RABGAP1L: variants seen among roughly 807,000 people sequenced by gnomAD.
RABGAP1L encodes the protein RAB GTPase activating protein 1 like, also known as rab GTPase-activating protein 1-like.
RABGAP1L carries 63 observed loss-of-function variants against 137.7 expected under a neutral mutation model. That is an observed-to-expected ratio of 0.46 (90% CI 0.37 to 0.56). The LOEUF is 0.56. RABGAP1L is among the 20% of genes least tolerant of loss of function. The pLI is 0.00. For synonymous variants in RABGAP1L, 431 were observed against 433.7 expected (o/e 0.99, Z 0.08); for missense variants, 1,095 against 1,244.0 (o/e 0.88, Z 1.80).
At chr1:174,217,041 G>T (rs183152920) in intron 1 of RABGAP1L, among the ~76,000 whole-genome samples, 1 of 152,122 alleles carries the variant, frequency 6.6e-6, no homozygotes, top group Non-Finnish European at 1.5e-5. Flanking sequence ...AGTGGTAGTA[G>T]TAGTAGACAG....
At chr1:174,755,795 C>T (rs1193514886) in intron 18 of RABGAP1L, among the ~76,000 whole-genome samples, 1 of 152,136 alleles carries the variant, frequency 6.6e-6, no homozygotes, top group Non-Finnish European at 1.5e-5. Context: ...AAAGGATGCA[C>T]ATAAATTTAT....
At chr1:174,434,108 T>TAC (rs35509787) in intron 13 of RABGAP1L, among the ~76,000 whole-genome samples, 12,519 of 134,010 alleles carry the variant, frequency 0.093, 618 homozygotes, top group Admixed American at 0.2. Context: ...CGTGTACACA[T>TAC]ACACACACAC....
intron 19 of RABGAP1L, among the ~76,000 whole-genome samples, chr1:174,905,973 A>G (rs1252061222): frequency 3.9e-5 from 6 of 152,202 alleles, no homozygotes; most frequent in Non-Finnish European, 5.9e-5. Flanking sequence ...TCTTAGAATT[A>G]CTGGTGTTCA....
intron 19 of RABGAP1L, among the ~76,000 whole-genome samples, chr1:174,838,940 A>T (rs1034419071): frequency 6.2e-5 from 9 of 144,720 alleles, no homozygotes; most frequent in South Asian, 2.2e-4. Context: ...AAAAAAAAAA[A>T]AAAAAAAAAA....
intron 13 of RABGAP1L, among the ~76,000 whole-genome samples, chr1:174,610,760 G>C (rs1671165476): frequency 6.6e-6 from 1 of 152,246 alleles, no homozygotes. Flanking sequence ...ACTGGTGTGA[G>C]ATAGTATCTC....
intron 18 of RABGAP1L, among the ~76,000 whole-genome samples, chr1:174,775,055 T>C (rs1215411461): frequency 6.6e-6 from 1 of 152,196 alleles, no homozygotes; most frequent in Non-Finnish European, 1.5e-5. Flanking sequence ...CTTAGGATGT[T>C]GTCCTCATGT....
chr1:174,783,049 G>A (rs904662598), intron 18 of RABGAP1L, among the ~76,000 whole-genome samples: 2 of 152,102 alleles, frequency 1.3e-5, no homozygotes, highest in African/African-American at 2.4e-5. Context: ...TGTTCTGGCT[G>A]GAGCTGAGCT....
intron 19 of RABGAP1L, among the ~76,000 whole-genome samples, chr1:174,889,534 C>G (rs965182821): frequency 1.3e-5 from 2 of 152,182 alleles, no homozygotes; most frequent in African/African-American, 4.8e-5. Context: ...GATCCTCCTG[C>G]TTCAACCTCT....
chr1:174,702,090 A>G, intron 16 of RABGAP1L, 23 bp from the exon 17 acceptor site: 10 of 1,601,130 alleles, frequency 6.2e-6, no homozygotes, highest in Non-Finnish European at 8.5e-6. Flanking sequence ...CATTGCTCCT[A>G]AATTTTCCAC....
At chr1:174,909,531 A>C (rs1659712618) in intron 19 of RABGAP1L, among the ~76,000 whole-genome samples, 1 of 152,214 alleles carries the variant, frequency 6.6e-6, no homozygotes, top group African/African-American at 2.4e-5. Flanking sequence ...CCATCCTAAA[A>C]ATTTTTTGAA....
At position 174,315,137 on chromosome 1, in the gene RABGAP1L, T is replaced by C. The variant is rs536675008; in HGVS notation, c.1465+10010T>C. On this transcript the variant is annotated intron_variant, in intron 11 of 25. Transcript: ENST00000681986. Reference sequence around the variant, plus strand: ...GGTTTATCTTTCTCTTTAGCTCTAATAATATTTGCTTTGTATATCTTGATG... The same window carrying C: ...GGTTTATCTTTCTCTTTAGCTCTAACAATATTTGCTTTGTATATCTTGATG... 5.9e-5 allele frequency among the ~76,000 whole-genome samples: 9 copies of C among 152,282 alleles called. No homozygotes were observed. In the East Asian group the frequency reaches 1.5e-3, roughly 26 times the overall value.
At chr1:174,718,514 A>G (rs897397754) in intron 17 of RABGAP1L, among the ~76,000 whole-genome samples, 5 of 152,338 alleles carry the variant, frequency 3.3e-5, no homozygotes, top group Admixed American at 3.3e-4. Context: ...TAGAGGAAGA[A>G]AAATCCTGTC....
intron 19 of RABGAP1L, among the ~76,000 whole-genome samples, chr1:174,866,247 C>T (rs1651227014): frequency 6.9e-6 from 1 of 144,966 alleles, no homozygotes; most frequent in South Asian, 2.2e-4. Context: ...CCCTCTATAT[C>T]TATCTATAGA....
chr1:174,819,583 C>T (rs962761922), intron 19 of RABGAP1L, among the ~76,000 whole-genome samples: 2 of 152,140 alleles, frequency 1.3e-5, no homozygotes, highest in Non-Finnish European at 2.9e-5. Flanking sequence ...GACCTTGACT[C>T]AATGATCTAG....
intron 4 of RABGAP1L, among the ~76,000 whole-genome samples, chr1:174,240,624 C>G (rs1241147059): frequency 6.6e-6 from 1 of 152,120 alleles, no homozygotes; most frequent in African/African-American, 2.4e-5. Flanking sequence ...CTTTTGTATT[C>G]CGTTGTTGAA....
intron 15 of RABGAP1L, among the ~76,000 whole-genome samples, chr1:174,694,514 AC>A (rs1182611421): frequency 6.6e-6 from 1 of 151,628 alleles, no homozygotes; most frequent in African/African-American, 2.4e-5. Flanking sequence ...CCATGTCCCT[AC>A]AAAGGACATG....
At chr1:174,562,792 G>T (rs571900426) in intron 13 of RABGAP1L, among the ~76,000 whole-genome samples, 1 of 152,114 alleles carries the variant, frequency 6.6e-6, no homozygotes, top group Admixed American at 6.5e-5. Flanking sequence ...CTCGTAAGTG[G>T]GAGTTGAACA....
At chr1:174,931,276 C>T (rs1378354466) in intron 19 of RABGAP1L, among the ~76,000 whole-genome samples, 1 of 152,132 alleles carries the variant, frequency 6.6e-6, no homozygotes, top group Non-Finnish European at 1.5e-5. Flanking sequence ...AAATAAAAAT[C>T]AGAATCCCTG....
intron 19 of RABGAP1L, among the ~76,000 whole-genome samples, chr1:174,918,830 C>T (rs1371202578): frequency 4.6e-5 from 7 of 151,420 alleles, no homozygotes; most frequent in East Asian, 1.9e-4. Flanking sequence ...CCCACCCCCC[C>T]GATCTCTACA....
Sources: gnomAD v4.1 joint callset for allele counts (sites outside exome capture counted in the v4.1 genomes callset) on GRCh38, gnomAD v4.1.1 for gene constraint, MANE v1.5 for transcripts, NCBI Gene and HGNC (gene_info 2026-07-23, HGNC 2026-07-21) for gene names.